The following LMNTD1 variants were observed in gnomAD, a reference collection of about 807,000 sequenced individuals.
The protein encoded by LMNTD1 is lamin tail domain-containing protein 1.
In LMNTD1, 35 loss-of-function variants were observed where a neutral mutation model predicts 50.9. That is an observed-to-expected ratio of 0.69 (90% CI 0.53 to 0.91). LMNTD1 has a LOEUF of 0.91. Ranked by LOEUF, LMNTD1 falls within the 40% of genes least tolerant of loss-of-function variation. The pLI, the probability that LMNTD1 is intolerant of heterozygous loss-of-function variation, is 0.00. For synonymous variants in LMNTD1, 153 were observed against 161.9 expected (o/e 0.94, Z 0.42); for missense variants, 470 against 475.5 (o/e 0.99, Z 0.11).
chr12:25,632,415 A>G (rs1196749382), intron 1 of LMNTD1, among the ~76,000 whole-genome samples: 1 of 152,214 alleles, frequency 6.6e-6, no homozygotes, highest in African/African-American at 2.4e-5. Context: ...GGTAACCTAT[A>G]AAGGAAAATT....
intron 4 of LMNTD1, 49 bp downstream of exon 4, chr12:25,546,325 T>C (rs1943424119): frequency 8.5e-7 from 1 of 1,176,914 alleles, no homozygotes. Context: ...GCTGATTTAT[T>C]GGTCCTACCC....
intron 4 of LMNTD1, among the ~76,000 whole-genome samples, chr12:25,536,382 C>T (rs187124018): frequency 5.9e-5 from 9 of 152,146 alleles, no homozygotes; most frequent in Admixed American, 5.2e-4. Flanking sequence ...TGTTCTTTGA[C>T]CACAATGGAA....
Position 25,503,793 on chromosome 12 carries a change from CT to C in LMNTD1, c.1196del (p.Lys399ArgfsTer20). On this transcript the variant is annotated frameshift_variant, in exon 9 of 10. Transcript: ENST00000458174. LOFTEE classifies it high-confidence loss of function. ...TTTGTGACTCAGATGTCTTCTTTTTCTTAGACCCTGAAAATTAAAAAAAATA... is the reference window on the plus strand; with the variant it reads ...TTTGTGACTCAGATGTCTTCTTTTTCTAGACCCTGAAAATTAAAAAAAATA... ...STRPNRASGSKKKKTSESQKQ is the reference protein window; with the variant it reads ...STRPNRASGSXKKKTSESQKQ The C allele has an allele frequency of 6.4e-7, 1 of 1,567,782 alleles. No homozygotes were observed.
chr12:25,591,869 T>C (rs1592082428), intron 1 of LMNTD1, among the ~76,000 whole-genome samples: 1 of 100,324 alleles, frequency 1.0e-5, no homozygotes, highest in African/African-American at 3.4e-5. Context: ...CTCTATTTAT[T>C]TGGGAGAAAG....
chr12:25,610,951 G>A (rs1265746458), intron 1 of LMNTD1, among the ~76,000 whole-genome samples: 2 of 152,182 alleles, frequency 1.3e-5, no homozygotes, highest in Non-Finnish European at 2.9e-5. Flanking sequence ...AGTCACAACT[G>A]TGGGGGTGAG....
intron 1 of LMNTD1, among the ~76,000 whole-genome samples, chr12:25,560,584 G>C (rs1280363213): frequency 2.0e-5 from 3 of 152,168 alleles, no homozygotes; most frequent in Non-Finnish European, 2.9e-5. Flanking sequence ...TGTGAAGAAA[G>C]TCATTGGTAG....
chr12:25,523,364 C>G (rs1441824287), intron 6 of LMNTD1, among the ~76,000 whole-genome samples: 1 of 152,136 alleles, frequency 6.6e-6, no homozygotes, highest in Non-Finnish European at 1.5e-5. Context: ...CATAATATAA[C>G]TTCTCTTTGC....
intron 1 of LMNTD1, among the ~76,000 whole-genome samples, chr12:25,645,835 A>G (rs777236043): frequency 6.6e-6 from 1 of 152,326 alleles, no homozygotes; most frequent in African/African-American, 2.4e-5. Context: ...TATGTAAAGT[A>G]ACTGTAAATA....
Position 25,524,071 on chromosome 12 carries a change from G to A in LMNTD1, c.798+2028C>T, listed in dbSNP as rs74070519. On this transcript the variant is annotated intron_variant, in intron 6 of 9. Coordinates refer to ENST00000458174, the MANE Select transcript of LMNTD1 (RefSeq NM_001145728.2). ...AATGGGCAAGATCACCATGGTTCAAGTTAGGTGGGCAAACTCCTCTCCACT... is the reference window on the plus strand; with the variant it reads ...AATGGGCAAGATCACCATGGTTCAAATTAGGTGGGCAAACTCCTCTCCACT... Among the ~76,000 whole-genome samples, 547 of 152,248 alleles carry A rather than the reference G, an allele frequency of 3.6e-3. 6 individuals carry two copies. Among genetic ancestry groups the A allele is most frequent in the African/African-American group, 0.013 (526 of 41,540 alleles).
At chr12:25,593,987 G>A (rs1371661023) in intron 1 of LMNTD1, among the ~76,000 whole-genome samples, 1 of 152,066 alleles carries the variant, frequency 6.6e-6, no homozygotes, top group Non-Finnish European at 1.5e-5. Context: ...TCGAAGACAA[G>A]GTCTTTGAAT....
intron 1 of LMNTD1, among the ~76,000 whole-genome samples, chr12:25,619,600 G>C (rs1366668886): frequency 1.3e-5 from 2 of 152,170 alleles, no homozygotes; most frequent in East Asian, 3.9e-4. Flanking sequence ...AGGGCAGCCT[G>C]GCTGTTGGTA....
intron 9 of LMNTD1, among the ~76,000 whole-genome samples, chr12:25,489,594 C>G (rs1014470205): frequency 1.0e-4 from 15 of 150,652 alleles, no homozygotes; most frequent in African/African-American, 2.5e-4. Context: ...TCTTCTGCGT[C>G]GCTCACGCTG....
At chr12:25,647,656 T>G (rs577871527) in intron 1 of LMNTD1, among the ~76,000 whole-genome samples, 1 of 152,238 alleles carries the variant, frequency 6.6e-6, no homozygotes, top group African/African-American at 2.4e-5. Context: ...GTTTCTAACA[T>G]TTACCAGTTG....
At position 25,481,200 on chromosome 12, in the gene LMNTD1, ATCAAAGTAAAC is replaced by A. The variant is rs562210206; in HGVS notation, c.*23-4751_*23-4741del. ...CACCTTCCTTGTCCATCCTATTTGA[ATCAAAGTAAAC>A]CTCCTTCAGCAGTTCCTTATCATCC... On this transcript the variant is annotated intron_variant, in intron 9 of 9. Transcript: ENST00000458174. Among the ~76,000 whole-genome samples, 292 of 151,994 alleles carry A rather than the reference ATCAAAGTAAAC, an allele frequency of 1.9e-3. 5 individuals are homozygous for A. Among genetic ancestry groups the A allele is most frequent in the African/African-American group, 6.9e-3 (284 of 41,314 alleles).
chr12:25,516,903 G>A (rs549818414), intron 8 of LMNTD1, among the ~76,000 whole-genome samples: 4 of 151,664 alleles, frequency 2.6e-5, no homozygotes, highest in Non-Finnish European at 4.4e-5. Context: ...CGAAGGACAT[G>A]AACAGATACT....
At chr12:25,601,998 A>C (rs1945989780) in intron 1 of LMNTD1, among the ~76,000 whole-genome samples, 1 of 151,898 alleles carries the variant, frequency 6.6e-6, no homozygotes, top group African/African-American at 2.4e-5. Context: ...TAACTTTTTT[A>C]CCAAAGTATT....
intron 1 of LMNTD1, among the ~76,000 whole-genome samples, chr12:25,581,297 G>A (rs550973729): frequency 8.5e-5 from 13 of 152,296 alleles, no homozygotes; most frequent in African/African-American, 3.1e-4. Flanking sequence ...AAGCATCTGC[G>A]TTTAAAACAT....
At chr12:25,525,997 C>A (rs1420882022) in intron 6 of LMNTD1, 102 bp downstream of exon 6, 1 of 889,904 alleles carries the variant, frequency 1.1e-6, no homozygotes, top group Non-Finnish European at 1.5e-6. Context: ...CATTTATGCA[C>A]TTAGACACAT....
At chr12:25,583,082 C>T (rs369605652) in intron 1 of LMNTD1, among the ~76,000 whole-genome samples, 92 of 151,250 alleles carry the variant, frequency 6.1e-4, no homozygotes, top group African/African-American at 2.1e-3. Context: ...GGTGCTATCT[C>T]GGTATCTTGG....
Sources: allele counts gnomAD v4.1 joint callset (sites outside exome capture counted in the v4.1 genomes callset), GRCh38; gene constraint gnomAD v4.1.1; transcripts MANE v1.5; gene names NCBI Gene and HGNC (gene_info 2026-07-23, HGNC 2026-07-21).